Variants in EHBP1 observed in about 807,000 individuals in gnomAD.
EHBP1 encodes the protein EH domain binding protein 1.
EHBP1 carries 55 observed loss-of-function variants against 144.0 expected under a neutral mutation model. The observed-to-expected ratio is 0.38, with a 90% CI of 0.31 to 0.48. The LOEUF (loss-of-function observed/expected upper bound fraction) is 0.48, where lower values mean the gene tolerates loss of function less well. Among genes scored for constraint, EHBP1 ranks in the 20% least tolerant of loss-of-function variants. The pLI is 0.98. For synonymous variants in EHBP1, 469 were observed against 472.7 expected, an observed-to-expected ratio of 0.99 and a Z score of 0.10; for missense variants, 1,200 against 1,364.2, an observed-to-expected ratio of 0.88 and a Z score of 1.90.
chr2:62,711,149 A>G (rs559372457), intron 2 of EHBP1, among the ~76,000 whole-genome samples: 1 of 152,290 alleles, frequency 6.6e-6, no homozygotes, highest in African/African-American at 2.4e-5. Flanking sequence ...CATATGTAAC[A>G]CACACATACC....
At chr2:62,874,254 G>T (rs112810054) in intron 9 of EHBP1, 92 bp from the exon 10 acceptor site, 2 of 1,001,568 alleles carry the variant, frequency 2.0e-6, no homozygotes, top group Middle Eastern at 5.3e-4. Context: ...TTTGAAAAAA[G>T]AAATTTTAGT....
intron 5 of EHBP1, among the ~76,000 whole-genome samples, chr2:62,774,805 A>G (rs1253706431): frequency 3.9e-5 from 6 of 152,222 alleles, no homozygotes; most frequent in Non-Finnish European, 8.8e-5. Flanking sequence ...TGATCGTGAC[A>G]CTGCACTCCA....
At chr2:62,737,346 T>C (rs764500436) in intron 2 of EHBP1, among the ~76,000 whole-genome samples, 1 of 152,162 alleles carries the variant, frequency 6.6e-6, no homozygotes, top group Non-Finnish European at 1.5e-5. Flanking sequence ...CTCCCAAAAA[T>C]GTGCTTCCCC....
At chr2:62,715,241 A>T (rs2035550384) in intron 2 of EHBP1, among the ~76,000 whole-genome samples, 1 of 152,010 alleles carries the variant, frequency 6.6e-6, no homozygotes, top group Admixed American at 6.5e-5. Flanking sequence ...CGGCCTCCCG[A>T]GTAGCTGGGA....
intron 15 of EHBP1, among the ~76,000 whole-genome samples, chr2:62,985,252 G>A (rs2059135972): frequency 6.6e-6 from 1 of 152,036 alleles, no homozygotes; most frequent in Non-Finnish European, 1.5e-5. Context: ...CACGTGCATA[G>A]GGCTGTCTTA....
At chr2:63,044,115 T>C (rs2061816716) in intron 21 of EHBP1, 1 of 150,316 alleles carries the variant, frequency 6.7e-6, no homozygotes, top group Non-Finnish European at 1.5e-5. Context: ...CCTTACAGTC[T>C]GGCCAGAGAG....
chr2:62,825,109 A>G (rs2046251807), intron 5 of EHBP1, among the ~76,000 whole-genome samples: 1 of 152,070 alleles, frequency 6.6e-6, no homozygotes, highest in Admixed American at 6.5e-5. Flanking sequence ...TCAGTAAACT[A>G]CAAGAAATAA....
intron 9 of EHBP1, among the ~76,000 whole-genome samples, chr2:62,870,080 G>A (rs138526561): frequency 6.6e-6 from 1 of 152,296 alleles, no homozygotes; most frequent in Non-Finnish European, 1.5e-5. Flanking sequence ...CTTTAAAAAT[G>A]CAGGTTGAAA....
intron 21 of EHBP1, among the ~76,000 whole-genome samples, chr2:63,039,294 AT>A (rs2061565794): frequency 6.6e-6 from 1 of 152,068 alleles, no homozygotes; most frequent in South Asian, 2.1e-4. Flanking sequence ...CTGGGCAAAG[AT>A]TGGCATAAAA....
intron 14 of EHBP1, among the ~76,000 whole-genome samples, chr2:62,964,032 T>G (rs887838996): frequency 2.0e-5 from 3 of 152,208 alleles, no homozygotes; most frequent in African/African-American, 7.2e-5. Context: ...GCGGTTTTTA[T>G]TCCGTATTAT....
At chr2:62,827,231 C>G (rs1218886542) in intron 6 of EHBP1, among the ~76,000 whole-genome samples, 5 of 152,210 alleles carry the variant, frequency 3.3e-5, no homozygotes, top group Admixed American at 1.3e-4. Flanking sequence ...TAAGCCTCCT[C>G]TCTGGCAAGT....
chr2:62,920,341 A>G (rs1286506708), intron 10 of EHBP1, among the ~76,000 whole-genome samples: 2 of 152,176 alleles, frequency 1.3e-5, no homozygotes, highest in Non-Finnish European at 2.9e-5. Context: ...CTAAAAGACA[A>G]AAAAACTGCC....
chr2:62,684,537 G>A (rs1447031600), intron 1 of EHBP1, among the ~76,000 whole-genome samples: 2 of 152,216 alleles, frequency 1.3e-5, no homozygotes, highest in Non-Finnish European at 2.9e-5. Context: ...AGTTTTAGGA[G>A]CCATGGATTT....
intron 7 of EHBP1, among the ~76,000 whole-genome samples, chr2:62,849,531 A>G (rs2048532280): frequency 6.6e-6 from 1 of 152,216 alleles, no homozygotes; most frequent in South Asian, 2.1e-4. Flanking sequence ...GTGGTGGCTT[A>G]AAATATAATA....
At chr2:62,822,869 C>T (rs796332930) in intron 5 of EHBP1, among the ~76,000 whole-genome samples, 1 of 152,054 alleles carries the variant, frequency 6.6e-6, no homozygotes, top group Non-Finnish European at 1.5e-5. Context: ...CCGCAATAGA[C>T]TGTATTTCAA....
At chr2:62,818,797 CAA>C (rs1331672349) in intron 5 of EHBP1, among the ~76,000 whole-genome samples, 6 of 151,688 alleles carry the variant, frequency 4.0e-5, no homozygotes, top group African/African-American at 1.5e-4. Context: ...CATTTGGGAA[CAA>C]AGGAGAAAAG....
At chr2:62,713,869 G>GT (rs2035402181) in intron 2 of EHBP1, among the ~76,000 whole-genome samples, 1 of 152,032 alleles carries the variant, frequency 6.6e-6, no homozygotes, top group South Asian at 2.1e-4. Flanking sequence ...TACATATTGT[G>GT]TTTTTTCCAG....
chr2:62,811,379 A>G (rs1376278600), intron 5 of EHBP1, among the ~76,000 whole-genome samples: 1 of 152,188 alleles, frequency 6.6e-6, no homozygotes, highest in East Asian at 1.9e-4. Context: ...GTGGCCTGAG[A>G]AATGTGGTAC....
rs368879475 is a variant in EHBP1, at chr2:62,797,148, CTGTT to C, written c.312+25766_312+25769del. Among the ~76,000 whole-genome samples the C allele has an allele frequency of 7.7e-3, 1,169 of 152,234 alleles. 13 individuals carry two copies. The highest frequency in any genetic ancestry group is 0.026 in the African/African-American group (1,088 of 41,536). On this transcript the variant is annotated intron_variant, in intron 5 of 22. Transcript: ENST00000431489. ...ACATGTAGACATCAAATACAAATTT[CTGTT>C]TGTTTGTTTTTTAAATGTTCAAATA...
Sources: gnomAD v4.1 joint callset for allele counts (sites outside exome capture counted in the v4.1 genomes callset) on GRCh38, gnomAD v4.1.1 for gene constraint, MANE v1.5 for transcripts, NCBI Gene and HGNC (gene_info 2026-07-23, HGNC 2026-07-21) for gene names.